The following MX1 variants were observed in gnomAD, a reference collection of about 807,000 sequenced individuals.
MX1 encodes the protein interferon-induced GTP-binding protein Mx1.
MX1 carries 66 observed loss-of-function variants against 66.4 expected under a neutral mutation model. That is an observed-to-expected ratio of 0.99 (90% confidence interval 0.82 to 1.22). MX1 has a LOEUF of 1.22. MX1 is among the 50% of genes most tolerant of loss of function. The pLI is 0.00. For synonymous variants in MX1, 311 were observed against 318.1 expected (o/e 0.98, Z 0.24); for missense variants, 787 against 834.3 (o/e 0.94, Z 0.70).
intron 3 of MX1, among the ~76,000 whole-genome samples, chr21:41,430,225 T>C (rs1185215287): frequency 6.6e-6 from 1 of 151,932 alleles, no homozygotes; most frequent in Non-Finnish European, 1.5e-5. Context: ...CCTTCAACCC[T>C]CATGGTACTG....
upstream of MX1, among the ~76,000 whole-genome samples, chr21:41,425,306 GGTT>G (rs1341032222): frequency 6.6e-6 from 1 of 152,202 alleles, no homozygotes; most frequent in Non-Finnish European, 1.5e-5. Flanking sequence ...AGTCAAAGGG[GGTT>G]GTTCTCTGGT....
chr21:41,445,129 G>T (rs1297462231), intron 11 of MX1, among the ~76,000 whole-genome samples: 1 of 152,170 alleles, frequency 6.6e-6, no homozygotes, highest in African/African-American at 2.4e-5. Flanking sequence ...TCCCTCCAGA[G>T]AGTTTACCTA....
chr21:41,440,814 A>G (rs2090484264), intron 8 of MX1, 73 bp from the exon 9 acceptor site: 3 of 1,572,994 alleles, frequency 1.9e-6, no homozygotes, highest in Non-Finnish European at 2.6e-6. Context: ...AAGCAAGTGC[A>G]AGGTCAGGAC....
At chr21:41,456,625 C>T (rs2090965364) in intron 16 of MX1, among the ~76,000 whole-genome samples, 1 of 152,144 alleles carries the variant, frequency 6.6e-6, no homozygotes, top group African/African-American at 2.4e-5. Context: ...CGAGCCTAGC[C>T]AAGCTAACAC....
rs568600711 is a variant in MX1, at chr21:41,435,879, C to T, written c.148C>T (p.Arg50Cys). 15 of 1,613,540 alleles carry T rather than the reference C, an allele frequency of 9.3e-6. No individual in the cohort carries two copies. Among genetic ancestry groups the T allele is most frequent in the African/African-American group, 2.7e-5 (2 of 75,034 alleles). ...GTGCAGCCAGTATGAGGAGAAGGTG[C>T]GCCCCTGCATCGACCTCATTGACTC... ...NLCSQYEEKVRPCIDLIDSLR... is the reference protein window; with the variant it reads ...NLCSQYEEKVCPCIDLIDSLR... Residue 50 changes from arginine to cysteine, a missense_variant, in exon 6 of 17, where the codon CGC becomes TGC. By Grantham distance (180) the Arg-to-Cys change is radical. Transcript: ENST00000398598.
chr21:41,437,280 C>T (rs1455231154), intron 7 of MX1, 128 bp downstream of exon 7: 23 of 941,232 alleles, frequency 2.4e-5, no homozygotes, highest in Non-Finnish European at 3.1e-5. Context: ...CATCAGGCCA[C>T]GGTTCCTTCT....
At chr21:41,436,107 A>C in intron 6 of MX1, 78 bp downstream of exon 6, 1 of 1,513,248 alleles carries the variant, frequency 6.6e-7, no homozygotes, top group Non-Finnish European at 9.0e-7. Flanking sequence ...TATACAACAA[A>C]AGTTTATTTT....
rs765754820 is a variant in MX1 at position 41,439,697 on chromosome 21, A to C, written c.440A>C (p.Gln147Pro). 1.2e-6 allele frequency: 2 copies of C among 1,613,406 alleles called. No homozygotes were observed. The highest frequency in any genetic ancestry group is 1.7e-6 in the Non-Finnish European group (2 of 1,179,442). Residue 147 changes from glutamine to proline, a missense_variant, in exon 8 of 17, where the codon CAG becomes CCG. Gln to Pro is a moderately conservative substitution (Grantham distance 76). Transcript: ENST00000398598. The part of the protein sequence containing the change: ...SEVEKEINKA[Q>P]NAIAGEGMGI... ...ATTTTCCCTGTCTCTTTTCTAGCCC[A>C]GAATGCCATCGCCGGGGAAGGAATG...
chr21:41,442,030 TGTGTGTGTGCGC>T, intron 10 of MX1, 116 bp downstream of exon 10: 1 of 856,038 alleles, frequency 1.2e-6, no homozygotes, highest in Non-Finnish European at 1.8e-6. Flanking sequence ...TGTGTGCGTG[TGTGTGTGTGCGC>T]GTGTGTGTGT....
chr21:41,448,930 TTGTGTGTGTGTGTGTGTGTGTGTGTGTG>T (rs10528033), intron 13 of MX1, among the ~76,000 whole-genome samples, 179 bp from the exon 14 acceptor site: 4 of 139,532 alleles, frequency 2.9e-5, no homozygotes, highest in East Asian at 2.3e-4. Context: ...AGATCTGGTT[TTGTGTGTGTGTGTGTGTGTGTGTGTGTG>T]TGTGTGTGTG....
In MX1 at chr21:41,458,731, G is replaced by T; in HGVS notation, c.1962G>T (p.Arg654=). 8 of 1,613,150 alleles carry T rather than the reference G, an allele frequency of 5.0e-6. No individual in the cohort carries two copies. The highest frequency in any genetic ancestry group is 6.8e-6 in the Non-Finnish European group (8 of 1,180,026). Reference sequence around the variant, plus strand: ...GGCTTGCACGGCTGACGCAGGCTCGGCGCCGGCTTGCCCAGTTCCCCGGTT... The same window carrying T: ...GGCTTGCACGGCTGACGCAGGCTCGTCGCCGGCTTGCCCAGTTCCCCGGTT... ...KERLARLTQA[R]RRLAQFPG The change falls in exon 17 of 17, where the codon CGG becomes CGT. Residue 654 remains arginine, a synonymous_variant. Coordinates refer to ENST00000398598, the MANE Select transcript of MX1 (RefSeq NM_002462.5).
chr21:41,422,465 A>G (rs990022827), upstream of MX1, among the ~76,000 whole-genome samples: 2 of 152,132 alleles, frequency 1.3e-5, no homozygotes, highest in Non-Finnish European at 2.9e-5. Flanking sequence ...GGGGAGATGA[A>G]TTTCCCTTTG....
intron 5 of MX1, among the ~76,000 whole-genome samples, chr21:41,435,078 A>G (rs534562896): frequency 1.2e-4 from 18 of 152,246 alleles, no homozygotes; most frequent in Non-Finnish European, 2.4e-4. Flanking sequence ...GTACTTTAAA[A>G]ATACTGCTTC....
Position 41,451,169 on chromosome 21 carries a change from A to G in MX1, c.1435A>G (p.Met479Val), listed in dbSNP as rs2090812767. 1.2e-6 allele frequency: 2 copies of G among 1,607,066 alleles called. No individual in the cohort carries two copies. Among genetic ancestry groups the G allele is most frequent in the Non-Finnish European group, 1.7e-6 (2 of 1,174,264 alleles). Residue 479 changes from methionine to valine, a missense_variant and splice_region_variant, in exon 15 of 17, where the codon ATG becomes GTG. Transcript: ENST00000398598. ...AVDMLHTVTD[M>V]VRLAFTDVSI... is the part of the protein sequence containing the mutation. ...ACTATTTTTCTCTCTTTGATTAGAT[A>G]TGGTCCGGCTTGCTTTCACAGATGT...
At chr21:41,433,668 G>A (rs2090284932) in intron 5 of MX1, among the ~76,000 whole-genome samples, 1 of 152,234 alleles carries the variant, frequency 6.6e-6, no homozygotes. Flanking sequence ...AAGCAAGGAT[G>A]TGATGATTGC....
At chr21:41,430,101 G>A (rs976793322) in intron 3 of MX1, among the ~76,000 whole-genome samples, 2 of 152,064 alleles carry the variant, frequency 1.3e-5, no homozygotes, top group Non-Finnish European at 2.9e-5. Flanking sequence ...TGACATGGGC[G>A]TTTCTGTGAA....
chr21:41,436,155 T>G, intron 6 of MX1, 126 bp downstream of exon 6: 58 of 1,155,850 alleles, frequency 5.0e-5, no homozygotes, highest in Non-Finnish European at 6.7e-5. Flanking sequence ...AAATCAGGGT[T>G]TAGCTTCTCC....
At chr21:41,445,358 C>T (rs1303308633) in intron 11 of MX1, 90 bp from the exon 12 acceptor site, 16 of 1,493,500 alleles carry the variant, frequency 1.1e-5, no homozygotes, top group Non-Finnish European at 1.5e-5. Context: ...ATGGCCCACA[C>T]AACTCCTCTG....
At chr21:41,440,605 T>C (rs1363768922) in intron 8 of MX1, among the ~76,000 whole-genome samples, 1 of 152,220 alleles carries the variant, frequency 6.6e-6, no homozygotes, top group East Asian at 1.9e-4. Flanking sequence ...CCATTTTTCA[T>C]TGTGACCATC....
Sources: gnomAD v4.1 joint callset for allele counts (sites outside exome capture counted in the v4.1 genomes callset) on GRCh38, gnomAD v4.1.1 for gene constraint, MANE v1.5 for transcripts, NCBI Gene and HGNC (gene_info 2026-07-23, HGNC 2026-07-21) for gene names.